The following AUTS2 variants were observed in gnomAD, a reference collection of about 807,000 sequenced individuals.
The protein encoded by AUTS2 is activator of transcription and developmental regulator AUTS2, also known as autism susceptibility gene 2 protein.
A neutral mutation model predicts 112.4 loss-of-function variants in AUTS2; 17 were observed. The ratio of observed to expected loss-of-function variants is 0.15; its 90% confidence interval spans 0.10 to 0.23. The LOEUF (loss-of-function observed/expected upper bound fraction) is 0.23. AUTS2 is among the 10% of genes least tolerant of loss of function. AUTS2 has a pLI of 1.00. For missense variants in AUTS2, 1,510 were observed against 1,701.6 expected (o/e 0.89, Z 1.98); for synonymous variants, 751 against 702.7 (o/e 1.07, Z -1.09).
Position 69,643,958 on chromosome 7 carries a change from G to T in AUTS2, c.309+43996G>T, listed in dbSNP as rs545875666. ...ACCCTGTCTGTAAATAAATATGTGT[G>T]TACAGACATACATAAGGTTCACAAT... is the stretch of plus-strand genomic sequence containing the variant. On this transcript the variant is annotated intron_variant, in intron 1 of 18. Coordinates refer to ENST00000342771, the MANE Select transcript of AUTS2 (RefSeq NM_015570.4). Among the ~76,000 whole-genome samples the T allele has an allele frequency of 1.8e-4, 27 of 152,206 alleles. No homozygotes were observed. The South Asian group carries it at 5.0e-3, about 28-fold the overall frequency.
At chr7:69,873,417 GC>G (rs1170936780) in intron 1 of AUTS2, among the ~76,000 whole-genome samples, 2 of 135,796 alleles carry the variant, frequency 1.5e-5, no homozygotes, top group African/African-American at 5.8e-5. Context: ...TGGGGCTCAG[GC>G]TTTTTTTTTT....
intron 5 of AUTS2, among the ~76,000 whole-genome samples, chr7:70,511,318 G>A (rs1486183273): frequency 6.6e-6 from 1 of 151,810 alleles, no homozygotes; most frequent in Non-Finnish European, 1.5e-5. Flanking sequence ...TGCCACACCG[G>A]CAATTTCCAA....
At chr7:69,965,146 T>C (rs1797587234) in intron 2 of AUTS2, among the ~76,000 whole-genome samples, 1 of 152,192 alleles carries the variant, frequency 6.6e-6, no homozygotes, top group Non-Finnish European at 1.5e-5. Flanking sequence ...TCAGTGCATT[T>C]ACCGAGTTGC....
In AUTS2 at chr7:70,777,157, C is replaced by T; in HGVS notation, c.1987C>T (p.His663Tyr). 6.2e-7 allele frequency: 1 copy of T among 1,614,082 alleles called. No homozygotes were observed. The highest frequency in any genetic ancestry group is 8.5e-7 in the Non-Finnish European group (1 of 1,179,992). ...HVHIAWQIYHHQQKVKKQMQS... is the reference protein window; with the variant it reads ...HVHIAWQIYHYQQKVKKQMQS... ...TCACATCGCCTGGCAGATTTACCAC[C>T]ACCAACAGAAAGTCAAGGTCAGTCC... The change falls in exon 14 of 19, where the codon CAC becomes TAC. Residue 663 changes from histidine to tyrosine, a missense_variant. Transcript: ENST00000342771.
intron 1 of AUTS2, among the ~76,000 whole-genome samples, chr7:69,879,461 A>G (rs1161407732): frequency 6.6e-6 from 1 of 151,940 alleles, no homozygotes; most frequent in Non-Finnish European, 1.5e-5. Flanking sequence ...GAGATTTTGA[A>G]CATTTGCCTC....
chr7:70,151,359 T>C (rs367949340), intron 4 of AUTS2, among the ~76,000 whole-genome samples: 2 of 152,158 alleles, frequency 1.3e-5, no homozygotes, highest in African/African-American at 2.4e-5. Context: ...ACCAGCAGGA[T>C]TGGAAAAACC....
intron 1 of AUTS2, among the ~76,000 whole-genome samples, chr7:69,763,237 T>C (rs1273597256): frequency 6.6e-6 from 1 of 152,208 alleles, no homozygotes; most frequent in African/African-American, 2.4e-5. Flanking sequence ...TCTGCTGTGC[T>C]GAAAAGCCTG....
intron 5 of AUTS2, among the ~76,000 whole-genome samples, chr7:70,470,926 T>A (rs1426268489): frequency 6.6e-6 from 1 of 152,106 alleles, no homozygotes; most frequent in African/African-American, 2.4e-5. Context: ...ACTTCCTGGA[T>A]ATCTTTACGG....
intron 5 of AUTS2, among the ~76,000 whole-genome samples, chr7:70,445,377 C>T (rs1411305567): frequency 2.0e-5 from 3 of 152,278 alleles, no homozygotes; most frequent in South Asian, 2.1e-4. Flanking sequence ...CTCTGTGTCT[C>T]ACCTACTTGT....
intron 4 of AUTS2, among the ~76,000 whole-genome samples, chr7:70,283,176 G>A (rs1350977844): frequency 6.6e-6 from 1 of 152,156 alleles, no homozygotes; most frequent in East Asian, 1.9e-4. Context: ...TGTGCAAAGT[G>A]GCTTACATAT....
chr7:70,350,858 A>G (rs947446542), intron 4 of AUTS2, among the ~76,000 whole-genome samples: 2 of 151,804 alleles, frequency 1.3e-5, no homozygotes, highest in Non-Finnish European at 2.9e-5. Context: ...TCTTTGACCT[A>G]TATCTGCCCA....
chr7:70,389,319 A>G (rs1793747277), intron 4 of AUTS2, among the ~76,000 whole-genome samples: 1 of 152,206 alleles, frequency 6.6e-6, no homozygotes, highest in Admixed American at 6.5e-5. Context: ...CCAATCCTTC[A>G]GTGCCTAGAG....
At chr7:69,943,532 C>T (rs991785561) in intron 2 of AUTS2, among the ~76,000 whole-genome samples, 3 of 152,128 alleles carry the variant, frequency 2.0e-5, no homozygotes, top group Non-Finnish European at 4.4e-5. Context: ...ATACCTTAGT[C>T]ATATTGATTC....
intron 1 of AUTS2, among the ~76,000 whole-genome samples, chr7:69,602,719 A>G (rs1792501998): frequency 6.6e-6 from 1 of 152,244 alleles, no homozygotes; most frequent in African/African-American, 2.4e-5. Context: ...GTCAGTGTTT[A>G]CATTTTAAGA....
chr7:70,784,142 A>G (rs761203000), intron 15 of AUTS2: 1 of 152,252 alleles, frequency 6.6e-6, no homozygotes, highest in Non-Finnish European at 1.5e-5. Flanking sequence ...GCCCCAAAAC[A>G]TAAGAATCAA....
chr7:70,106,160 G>A (rs2129570432), intron 2 of AUTS2, among the ~76,000 whole-genome samples: 1 of 152,266 alleles, frequency 6.6e-6, no homozygotes, highest in East Asian at 1.9e-4. Flanking sequence ...ATCTTCTGGA[G>A]CTGAGTGAAA....
intron 6 of AUTS2, among the ~76,000 whole-genome samples, chr7:70,747,428 T>A (rs574517716): frequency 1.3e-5 from 2 of 152,334 alleles, no homozygotes; most frequent in Admixed American, 1.3e-4. Flanking sequence ...GCATTTCAGA[T>A]GTGAAAGGTG....
At chr7:70,723,672 G>A (rs1005322627) in intron 6 of AUTS2, among the ~76,000 whole-genome samples, 4 of 150,574 alleles carry the variant, frequency 2.7e-5, no homozygotes, top group South Asian at 2.2e-4. Context: ...TTTCTGAGTT[G>A]TAGAGAAAAA....
chr7:70,704,615 T>A (rs1441746726), intron 6 of AUTS2, among the ~76,000 whole-genome samples: 1 of 152,222 alleles, frequency 6.6e-6, no homozygotes, highest in Non-Finnish European at 1.5e-5. Flanking sequence ...GAAAGTAATA[T>A]GCATTCATGA....
Sources: allele counts gnomAD v4.1 joint callset (sites outside exome capture counted in the v4.1 genomes callset), GRCh38; gene constraint gnomAD v4.1.1; transcripts MANE v1.5; gene names NCBI Gene and HGNC (gene_info 2026-07-23, HGNC 2026-07-21).